Variants in CSMD3 observed in about 807,000 individuals in gnomAD.
CSMD3 encodes the protein CUB and Sushi multiple domains 3.
A neutral mutation model predicts 435.2 loss-of-function variants in CSMD3; 177 were observed. The observed-to-expected ratio is 0.41, with a 90% CI of 0.36 to 0.46. The LOEUF (loss-of-function observed/expected upper bound fraction) is 0.46. CSMD3 is among the 20% of genes least tolerant of loss of function. CSMD3 has a pLI of 0.34. For synonymous variants in CSMD3, 1,656 were observed against 1,520.5 expected (o/e 1.09, Z -2.07); for missense variants, 4,265 against 4,504.6 (o/e 0.95, Z 1.52).
intron 5 of CSMD3, among the ~76,000 whole-genome samples, chr8:113,036,515 T>C (rs1443099508): frequency 1.3e-5 from 2 of 151,966 alleles, no homozygotes; most frequent in South Asian, 2.1e-4. Context: ...ATACCACATA[T>C]AATTACCTTA....
At chr8:112,827,048 T>C (rs1021826899) in intron 12 of CSMD3, among the ~76,000 whole-genome samples, 12 of 150,952 alleles carry the variant, frequency 7.9e-5, no homozygotes, top group African/African-American at 2.7e-4. Flanking sequence ...TTAGGGATTG[T>C]ACAGACCACT....
At chr8:112,378,669 G>C (rs1829184496) in intron 38 of CSMD3, among the ~76,000 whole-genome samples, 1 of 152,158 alleles carries the variant, frequency 6.6e-6, no homozygotes, top group Non-Finnish European at 1.5e-5. Flanking sequence ...GGAAGGCAGG[G>C]ATGAAGAGAG....
chr8:113,336,941 C>A (rs892693213), intron 1 of CSMD3, among the ~76,000 whole-genome samples: 7 of 152,088 alleles, frequency 4.6e-5, no homozygotes, highest in Admixed American at 3.3e-4. Context: ...CAGCTCCCCA[C>A]TTAGTCTTTT....
intron 4 of CSMD3, among the ~76,000 whole-genome samples, chr8:113,109,099 C>G (rs1340858495): frequency 1.3e-5 from 2 of 152,174 alleles, no homozygotes; most frequent in African/African-American, 2.4e-5. Context: ...ACCAATGGAA[C>G]ATAATGAAGA....
chr8:112,844,715 C>T (rs1187669361), intron 11 of CSMD3, among the ~76,000 whole-genome samples: 1 of 151,834 alleles, frequency 6.6e-6, no homozygotes, highest in African/African-American at 2.4e-5. Context: ...AGATACATAT[C>T]TTGTTTAAGT....
chr8:112,950,723 G>A (rs1467667810), intron 8 of CSMD3, among the ~76,000 whole-genome samples: 1 of 151,842 alleles, frequency 6.6e-6, no homozygotes, highest in Non-Finnish European at 1.5e-5. Flanking sequence ...AAGTCATACT[G>A]CTAGTTAATG....
intron 10 of CSMD3, among the ~76,000 whole-genome samples, chr8:112,903,595 G>A (rs1326269209): frequency 1.3e-5 from 2 of 150,594 alleles, no homozygotes; most frequent in African/African-American, 4.9e-5. Context: ...ATTACCCCTG[G>A]AGCCTTTTTT....
intron 19 of CSMD3, among the ~76,000 whole-genome samples, chr8:112,648,319 CA>C (rs1358167835): frequency 2.0e-5 from 3 of 152,132 alleles, no homozygotes. Flanking sequence ...ACAGCTTAGA[CA>C]TTTTTTAAAT....
At chr8:112,818,854 A>G (rs1252374402) in intron 12 of CSMD3, among the ~76,000 whole-genome samples, 1 of 152,214 alleles carries the variant, frequency 6.6e-6, no homozygotes, top group African/African-American at 2.4e-5. Context: ...TTCTAGAGCC[A>G]TTTGAAAAAG....
At chr8:112,233,265 A>G (rs1024560005) in intron 68 of CSMD3, among the ~76,000 whole-genome samples, 5 of 152,166 alleles carry the variant, frequency 3.3e-5, no homozygotes, top group African/African-American at 9.7e-5. Context: ...TCCTCACTCT[A>G]AAAAGCAAAG....
chr8:112,246,319 T>C (rs1006323602), intron 64 of CSMD3, among the ~76,000 whole-genome samples: 14 of 152,282 alleles, frequency 9.2e-5, no homozygotes, highest in African/African-American at 2.9e-4. Context: ...TCCTAATAAG[T>C]GTTTCCACTC....
chr8:113,323,048 C>G (rs896372002), intron 1 of CSMD3, among the ~76,000 whole-genome samples: 4 of 152,154 alleles, frequency 2.6e-5, no homozygotes, highest in African/African-American at 9.7e-5. Flanking sequence ...ACACCCAGCT[C>G]CTGGCTGGCT....
chr8:112,700,027 T>C (rs1286174686), intron 13 of CSMD3, among the ~76,000 whole-genome samples: 2 of 152,184 alleles, frequency 1.3e-5, no homozygotes, highest in African/African-American at 4.8e-5. Context: ...TGGAAGTGTT[T>C]TATTTATGTT....
intron 13 of CSMD3, among the ~76,000 whole-genome samples, chr8:112,695,351 T>C (rs551013601): frequency 2.6e-4 from 39 of 152,222 alleles, no homozygotes; most frequent in Non-Finnish European, 4.4e-4. Flanking sequence ...ACTGTCAATA[T>C]TATTTTCTTT....
intron 4 of CSMD3, among the ~76,000 whole-genome samples, chr8:113,113,904 C>A (rs72685841): frequency 0.096 from 14,649 of 152,122 alleles, 914 homozygotes; most frequent in Middle Eastern, 0.17. Flanking sequence ...TCTCCACAGG[C>A]AGTTGAATGG....
At chr8:112,589,863 T>C (rs532134142) in intron 22 of CSMD3, among the ~76,000 whole-genome samples, 1 of 152,244 alleles carries the variant, frequency 6.6e-6, no homozygotes, top group African/African-American at 2.4e-5. Context: ...CTGTCAGCCA[T>C]AGTGACATTT....
At chr8:113,157,126 T>G (rs1190037020) in intron 4 of CSMD3, among the ~76,000 whole-genome samples, 3 of 152,102 alleles carry the variant, frequency 2.0e-5, no homozygotes, top group Non-Finnish European at 4.4e-5. Context: ...TATAAAATGG[T>G]GCAGTCACTA....
At chr8:112,229,379 G>C (rs999159066) in intron 69 of CSMD3, among the ~76,000 whole-genome samples, 2 of 151,944 alleles carry the variant, frequency 1.3e-5, no homozygotes, top group South Asian at 4.2e-4. Context: ...CTCTAAAAGG[G>C]AATAAATATC....
In CSMD3 at chr8:113,048,080, AT is replaced by A. The variant is rs1478688172; in HGVS notation, c.918-28902del. On this transcript the variant is annotated intron_variant, in intron 5 of 70. Transcript: ENST00000297405. ...TGTTAGATAGTTTGATGTAACTTCAATTCTTTTTTTTTTTTTTTTTTTTTGA... is the reference window on the plus strand; with the variant it reads ...TGTTAGATAGTTTGATGTAACTTCAATCTTTTTTTTTTTTTTTTTTTTTGA... 3.6e-3 allele frequency among the ~76,000 whole-genome samples: 488 copies of A among 137,240 alleles called. 3 individuals carry two copies. The highest frequency in any genetic ancestry group is 0.013 in the African/African-American group (455 of 35,868). 90.0% of individuals were successfully genotyped at this position (137,240 alleles called of 152,430 possible).
Sources: allele counts gnomAD v4.1 joint callset (sites outside exome capture counted in the v4.1 genomes callset), GRCh38; gene constraint gnomAD v4.1.1; transcripts MANE v1.5; gene names NCBI Gene and HGNC (gene_info 2026-07-23, HGNC 2026-07-21).